Variants in SORBS2 observed in about 807,000 individuals in gnomAD.
SORBS2 encodes sorbin and SH3 domain containing 2.
SORBS2 carries 46 observed loss-of-function variants against 97.7 expected under a neutral mutation model. That is an observed-to-expected ratio of 0.47 (90% CI 0.37 to 0.60). SORBS2 has a LOEUF of 0.60. SORBS2 is among the 20% of genes least tolerant of loss of function. The pLI is 0.00. For missense variants in SORBS2, 1,316 were observed against 1,282.3 expected, an observed-to-expected ratio of 1.03 and a Z score of -0.40; for synonymous variants, 476 against 473.4, an observed-to-expected ratio of 1.01 and a Z score of -0.07.
chr4:185,839,547 C>T (rs966018090), intron 1 of SORBS2, among the ~76,000 whole-genome samples: 2 of 152,138 alleles, frequency 1.3e-5, no homozygotes, highest in African/African-American at 2.4e-5. Context: ...GCACACTGAG[C>T]GCTCCCTAGG....
At chr4:185,814,580 A>AC (rs576294976) in intron 1 of SORBS2, among the ~76,000 whole-genome samples, 89 of 150,456 alleles carry the variant, frequency 5.9e-4, no homozygotes, top group African/African-American at 1.9e-3. Flanking sequence ...AAACAAACAA[A>AC]TATCTGAAGT....
chr4:185,752,516 T>G lies in SORBS2; in HGVS notation c.-198+22711A>C, dbSNP rs369440089. Among the ~76,000 whole-genome samples the G allele has an allele frequency of 1.2e-3, 177 of 152,332 alleles. 6 individuals carry two copies. In the East Asian group the frequency reaches 0.028, roughly 24 times the overall value. ...TGGTCTCGATCTCCTGACCTTGTGA[T>G]CTGCCCGCCTCGGCCTCCCAAAGTG... On this transcript the variant is annotated intron_variant, in intron 2 of 20. Coordinates refer to the SORBS2 transcript ENST00000284776.
chr4:185,877,870 AAAAC>A lies in SORBS2; in HGVS notation c.-338+78322_-338+78325del, dbSNP rs1343917547. On this transcript the variant is annotated intron_variant, in intron 1 of 20. Transcript: ENST00000284776. ...GGGTGACAGAGTGAGACTCTGTCAA[AAAAC>A]AAAAAAAAAAAAGAAAGAAAGAAGA... Among the ~76,000 whole-genome samples, 39 of 136,556 alleles carry A rather than the reference AAAAC, an allele frequency of 2.9e-4. 1 individual carries two copies. Among genetic ancestry groups the A allele is most frequent in the African/African-American group, 7.6e-4 (28 of 36,686 alleles). 89.6% of individuals were successfully genotyped at this position (136,556 alleles called of 152,430 possible). A position where few individuals can be genotyped will look rare whatever the true frequency, so the allele number is the denominator to read the frequency against.
chr4:185,758,821 C>G (rs760340003), intron 2 of SORBS2, among the ~76,000 whole-genome samples: 1 of 152,238 alleles, frequency 6.6e-6, no homozygotes, highest in Non-Finnish European at 1.5e-5. Context: ...CTTCTGCCCC[C>G]AGATGGGTAA....
At chr4:185,666,218 G>C in intron 4 of SORBS2, 33 of 1,218,394 alleles carry the variant, frequency 2.7e-5, no homozygotes, top group Non-Finnish European at 3.3e-5. Context: ...TGAGTATGAG[G>C]AAAAAATAAT....
At chr4:185,686,176 C>T (rs1254219390) in intron 2 of SORBS2, among the ~76,000 whole-genome samples, 1 of 152,024 alleles carries the variant, frequency 6.6e-6, no homozygotes, top group Non-Finnish European at 1.5e-5. Context: ...TATATTGTCA[C>T]ATTTCCATTT....
chr4:185,792,027 G>T (rs1274180348), intron 1 of SORBS2, among the ~76,000 whole-genome samples: 1 of 152,140 alleles, frequency 6.6e-6, no homozygotes, highest in Non-Finnish European at 1.5e-5. Flanking sequence ...TGCAAATTTT[G>T]ATAATGGAAA....
At chr4:185,708,128 A>G (rs939791407) in intron 2 of SORBS2, among the ~76,000 whole-genome samples, 2 of 152,182 alleles carry the variant, frequency 1.3e-5, no homozygotes, top group African/African-American at 4.8e-5. Flanking sequence ...CAGATCATGA[A>G]TTTAAGGCAG....
intron 4 of SORBS2, among the ~76,000 whole-genome samples, chr4:185,669,153 G>T (rs562499783): frequency 6.6e-6 from 1 of 152,276 alleles, no homozygotes; most frequent in South Asian, 2.1e-4. Flanking sequence ...TTCAAGGGAG[G>T]GTGAGCTTCA....
exon 15 of SORBS2, chr4:185,587,641 CGTA>C: frequency 6.2e-7 from 1 of 1,613,388 alleles, no homozygotes; most frequent in South Asian, 1.1e-5. Context: ...AGCCTCTTGA[CGTA>C]GTTTCCGGGG....
chr4:185,596,530 C>CTTTTTTTT lies in SORBS2; in HGVS notation c.2797-2603_2797-2596dup, dbSNP rs58831094. Among the ~76,000 whole-genome samples, 44 of 77,428 alleles carry CTTTTTTTT rather than the reference C, an allele frequency of 5.7e-4. 5 individuals carry two copies. Among genetic ancestry groups the CTTTTTTTT allele is most frequent in the African/African-American group, 2.3e-3 (41 of 17,878 alleles). 50.8% of individuals were successfully genotyped at this position (77,428 alleles called of 152,430 possible). A position where few individuals can be genotyped will look rare whatever the true frequency, so the allele number is the denominator to read the frequency against. ...TGTGGGGCAGCCAGCACCGTCCTTG[C>CTTTTTTTT]TTTTTTTTTTTTTTTTTTTTTTTGA... is the stretch of plus-strand genomic sequence containing the variant. On this transcript the variant is annotated intron_variant, in intron 12 of 14. Coordinates refer to ENST00000418609, the Ensembl canonical transcript of SORBS2.
chr4:185,873,850 A>T (rs541707537), intron 1 of SORBS2, among the ~76,000 whole-genome samples: 2 of 152,214 alleles, frequency 1.3e-5, no homozygotes, highest in Non-Finnish European at 2.9e-5. Context: ...ATGAACATTT[A>T]TATTATTGTA....
intron 2 of SORBS2, chr4:185,772,381 C>A (rs767236445): frequency 1.3e-5 from 2 of 151,856 alleles, no homozygotes; most frequent in African/African-American, 4.8e-5. Context: ...GTTGAGCAGG[C>A]GGAAAAAAAA....
At chr4:185,783,753 C>T (rs1244066427) in intron 1 of SORBS2, among the ~76,000 whole-genome samples, 1 of 152,200 alleles carries the variant, frequency 6.6e-6, no homozygotes, top group African/African-American at 2.4e-5. Flanking sequence ...CAGGAAGCTG[C>T]CCTCTGAATC....
chr4:185,892,482 A>C (rs2099242993), intron 1 of SORBS2, among the ~76,000 whole-genome samples: 1 of 152,244 alleles, frequency 6.6e-6, no homozygotes, highest in Non-Finnish European at 1.5e-5. Flanking sequence ...TGTTCACAGC[A>C]ACCTTATTCA....
intron 12 of SORBS2, among the ~76,000 whole-genome samples, chr4:185,596,312 T>C (rs907780374): frequency 6.6e-6 from 1 of 152,186 alleles, no homozygotes; most frequent in African/African-American, 2.4e-5. Flanking sequence ...TGTAAAACAA[T>C]CAACTTTTAA....
upstream of SORBS2, among the ~76,000 whole-genome samples, chr4:185,659,906 T>C (rs2097487674): frequency 6.6e-6 from 1 of 152,228 alleles, no homozygotes; most frequent in African/African-American, 2.4e-5. Context: ...TCACATCTGA[T>C]CCATTACATT....
chr4:185,917,896 G>A (rs1446724266), intron 1 of SORBS2, among the ~76,000 whole-genome samples: 1 of 152,112 alleles, frequency 6.6e-6, no homozygotes, highest in Non-Finnish European at 1.5e-5. Flanking sequence ...AACAGTTTGT[G>A]TTTTTTCCAC....
chr4:185,599,318 G>C (rs2096197850), intron 12 of SORBS2, among the ~76,000 whole-genome samples: 1 of 152,186 alleles, frequency 6.6e-6, no homozygotes. Context: ...CTCCTTGGCT[G>C]CATTCCTTAG....
Sources: allele counts gnomAD v4.1 joint callset (sites outside exome capture counted in the v4.1 genomes callset), GRCh38; gene constraint gnomAD v4.1.1; transcripts MANE v1.5; gene names NCBI Gene and HGNC (gene_info 2026-07-23, HGNC 2026-07-21).